The following SERPINA6 variants were observed in gnomAD, a reference collection of about 807,000 sequenced individuals.
SERPINA6 encodes the protein serpin family A member 6.
In SERPINA6, 19 loss-of-function variants were observed where a neutral mutation model predicts 26.4. That is an observed-to-expected ratio of 0.72 (90% CI 0.50 to 1.06). SERPINA6 has a LOEUF of 1.06. Ranked by LOEUF, SERPINA6 falls within the 50% of genes least tolerant of loss-of-function variation. The pLI is 0.00. For synonymous variants in SERPINA6, 196 were observed against 199.4 expected (o/e 0.98, Z 0.14); for missense variants, 473 against 504.0 (o/e 0.94, Z 0.59).
rs142631353 is a variant in SERPINA6 at position 94,314,608 on chromosome 14, G to C, written c.41C>G (p.Thr14Ser). Residue 14 changes from threonine to serine, a missense_variant, in exon 2 of 5, where the codon ACC becomes AGC. Coordinates refer to ENST00000341584, the MANE Select transcript of SERPINA6 (RefSeq NM_001756.4). ...LLYTCLLWLP[T>S]SGLWTVQAMD... ...GGCCTGGACGGTCCAGAGGCCGCTG[G>C]TGGGCAGCCAGAGAAGACAGGTGTA... is the stretch of plus-strand genomic sequence containing the variant. 6.2e-7 allele frequency: 1 copy of C among 1,614,160 alleles called. No homozygotes were observed. Among genetic ancestry groups the C allele is most frequent in the Non-Finnish European group, 8.5e-7 (1 of 1,180,034 alleles).
chr14:94,306,041 G>T, intron 4 of SERPINA6, 30 bp downstream of exon 4: 1 of 1,613,508 alleles, frequency 6.2e-7, no homozygotes, highest in Non-Finnish European at 8.5e-7. Context: ...TTTGGAGGGG[G>T]AAGAAAAGGT....
chr14:94,306,695 G>A lies in SERPINA6; in HGVS notation c.885-477C>T, dbSNP rs117459309. 2.2e-3 allele frequency among the ~76,000 whole-genome samples: 336 copies of A among 152,314 alleles called. 1 individual carries two copies. The highest frequency in any genetic ancestry group is 4.1e-3 in the Non-Finnish European group (280 of 68,036). ...GCTAATGTCCTCACCTGCACACAAA[G>A]GTGGTTGAACACAGGCTCTCCCAGG... On this transcript the variant is annotated intron_variant, in intron 3 of 4. Coordinates refer to ENST00000341584, the MANE Select transcript of SERPINA6 (RefSeq NM_001756.4).
At position 94,304,425 on chromosome 14, in the gene SERPINA6, G is replaced by A. The variant is rs762344771; in HGVS notation, c.1211C>T (p.Pro404Leu). 1.2e-6 allele frequency: 2 copies of A among 1,613,930 alleles called. No individual in the cohort carries two copies. The highest frequency in any genetic ancestry group is 2.7e-5 in the African/African-American group (2 of 74,904). Reference protein sequence around the residue: ...SSLFLARVMNPV With the variant: ...SSLFLARVMNLV Reference sequence around the variant, plus strand: ...CTCTGGGTGGGTGGTCTCTTACACTGGGTTCATAACCCTCGCCAGGAAAAG... The same window carrying A: ...CTCTGGGTGGGTGGTCTCTTACACTAGGTTCATAACCCTCGCCAGGAAAAG... The change falls in exon 5 of 5, where the codon CCA becomes CTA. Residue 404 changes from proline (P) to leucine (L), a missense_variant. Coordinates refer to ENST00000341584, the MANE Select transcript of SERPINA6 (RefSeq NM_001756.4).
intron 2 of SERPINA6, among the ~76,000 whole-genome samples, chr14:94,310,649 C>T (rs765556026): frequency 6.6e-5 from 10 of 152,222 alleles, no homozygotes; most frequent in Admixed American, 1.3e-4. Context: ...TGGGACTTGG[C>T]GGTACTCGTC....
chr14:94,321,189 C>A (rs934199339), intron 1 of SERPINA6, among the ~76,000 whole-genome samples: 1 of 152,188 alleles, frequency 6.6e-6, no homozygotes, highest in African/African-American at 2.4e-5. Flanking sequence ...TCTCTCAGGA[C>A]TCAGCAGTAG....
Position 94,309,982 on chromosome 14 carries a change from A to C in SERPINA6, c.638T>G (p.Leu213Arg), listed in dbSNP as rs774641088. ...GAAGTTCTCCTCCCTGGTGCTTGCC[A>C]GGTCAAAGGGCTGTGTCCATGTGCC... ...FKGTWTQPFD[L>R]ASTREENFYV... Residue 213 changes from leucine (L) to arginine (R), a missense_variant, in exon 3 of 5, where the codon CTG (leucine) becomes CGG (arginine). Coordinates refer to ENST00000341584, the MANE Select transcript of SERPINA6 (RefSeq NM_001756.4). 7 of 1,614,016 alleles carry C rather than the reference A, an allele frequency of 4.3e-6. No individual in the cohort carries two copies. In the African/African-American group the frequency reaches 9.3e-5, roughly 22 times the overall value.
chr14:94,320,935 G>A (rs1895676388), intron 1 of SERPINA6, among the ~76,000 whole-genome samples: 1 of 152,112 alleles, frequency 6.6e-6, no homozygotes, highest in African/African-American at 2.4e-5. Context: ...TTCTGACTTG[G>A]ATTTCTGGGT....
At chr14:94,314,722 C>G (rs539757007) in intron 1 of SERPINA6, 55 bp from the exon 2 acceptor site, 20 of 1,554,518 alleles carry the variant, frequency 1.3e-5, no homozygotes, top group Middle Eastern at 1.7e-4. Flanking sequence ...GTCAATGGGG[C>G]GTAGTGCAAG....
rs117839260 is a variant in SERPINA6, at chr14:94,305,004, G to A, written c.1033-401C>T. Reference sequence around the variant, plus strand: ...AAGTGCCTATGTCTGTTCTGTTTGGGAAAGCTGAGGCAGAATCTAAAAATG... The same window carrying A: ...AAGTGCCTATGTCTGTTCTGTTTGGAAAAGCTGAGGCAGAATCTAAAAATG... On this transcript the variant is annotated intron_variant, in intron 4 of 4. Transcript: ENST00000341584. Among the ~76,000 whole-genome samples the A allele has an allele frequency of 2.2e-3, 336 of 152,296 alleles. 1 individual carries two copies. The highest frequency in any genetic ancestry group is 4.1e-3 in the Non-Finnish European group (280 of 68,020).
At chr14:94,317,707 C>T (rs1895630868) in intron 1 of SERPINA6, among the ~76,000 whole-genome samples, 1 of 152,168 alleles carries the variant, frequency 6.6e-6, no homozygotes, top group Admixed American at 6.5e-5. Flanking sequence ...AAGAAAACTA[C>T]CTCAACATAA....
chr14:94,306,698 G>A (rs1208377496), intron 3 of SERPINA6, among the ~76,000 whole-genome samples: 1 of 152,202 alleles, frequency 6.6e-6, no homozygotes, highest in African/African-American at 2.4e-5. Context: ...ACACAAAGGT[G>A]GTTGAACACA....
Position 94,310,001 on chromosome 14 carries a change from A to C in SERPINA6, c.619T>G (p.Trp207Gly). The change falls in exon 3 of 5, where the codon TGG becomes GGG. Residue 207 changes from tryptophan (W) to glycine (G), a missense_variant. Physicochemically the swap from Trp to Gly is radical, Grantham distance 184. Transcript: ENST00000341584. ...CTTGCCAGGTCAAAGGGCTGTGTCC[A>C]TGTGCCTAGGAAGAGGAGGAGACAG... is the stretch of plus-strand genomic sequence containing the variant. ...LVNYIFFKGT[W>G]TQPFDLASTR... 6.2e-7 allele frequency: 1 copy of C among 1,614,100 alleles called. No individual in the cohort carries two copies. Among genetic ancestry groups the C allele is most frequent in the Non-Finnish European group, 8.5e-7 (1 of 1,179,996 alleles).
At chr14:94,315,660 C>A (rs1895604332) in intron 1 of SERPINA6, among the ~76,000 whole-genome samples, 1 of 152,102 alleles carries the variant, frequency 6.6e-6, no homozygotes, top group African/African-American at 2.4e-5. Flanking sequence ...AAAGTTACCC[C>A]ATGCAAATAG....
chr14:94,308,341 T>C (rs574444429), intron 3 of SERPINA6, among the ~76,000 whole-genome samples: 1 of 152,136 alleles, frequency 6.6e-6, no homozygotes, highest in East Asian at 1.9e-4. Flanking sequence ...TTAAGGGCTC[T>C]GTTTTGTCCT....
chr14:94,305,197 C>T (rs969783310), intron 4 of SERPINA6, among the ~76,000 whole-genome samples: 14 of 152,166 alleles, frequency 9.2e-5, no homozygotes, highest in African/African-American at 3.4e-4. Context: ...GGGGTGGGAA[C>T]TTCCAGCGAC....
At position 94,314,116 on chromosome 14, in the gene SERPINA6, G is replaced by A; in HGVS notation, c.533C>T (p.Thr178Ile). ...RQINSYVKNK[T>I]QGKIVDLFSG... ...AAACAAGTCGACAATTTTCCCCTGT[G>A]TCTTATTCTTGACATAGCTGTTGAT... The change falls in exon 2 of 5, where the codon ACA becomes ATA. Residue 178 changes from threonine (T) to isoleucine (I), a missense_variant. Thr to Ile is a moderately conservative substitution (Grantham distance 89). Coordinates refer to ENST00000341584, the MANE Select transcript of SERPINA6 (RefSeq NM_001756.4). 4.3e-6 allele frequency: 7 copies of A among 1,614,164 alleles called. No homozygotes were observed. Among genetic ancestry groups the A allele is most frequent in the Non-Finnish European group, 5.9e-6 (7 of 1,180,010 alleles).
intron 2 of SERPINA6, among the ~76,000 whole-genome samples, chr14:94,310,408 G>A (rs1895512074): frequency 6.9e-6 from 1 of 144,506 alleles, no homozygotes; most frequent in South Asian, 2.1e-4. Context: ...AAGCGAGGGG[G>A]CCATCTCCAC....
intron 3 of SERPINA6, among the ~76,000 whole-genome samples, chr14:94,309,419 T>G (rs1303397379): frequency 6.6e-6 from 1 of 152,152 alleles, no homozygotes; most frequent in Non-Finnish European, 1.5e-5. Flanking sequence ...TGTAGCTGGG[T>G]GGTTGGTGAA....
chr14:94,310,003 G>T lies in SERPINA6; in HGVS notation c.617C>A (p.Thr206Lys), dbSNP rs750663821. ...TGCCAGGTCAAAGGGCTGTGTCCATGTGCCTAGGAAGAGGAGGAGACAGGT... is the reference window on the plus strand; with the variant it reads ...TGCCAGGTCAAAGGGCTGTGTCCATTTGCCTAGGAAGAGGAGGAGACAGGT... The part of the protein sequence containing the change: ...VLVNYIFFKG[T>K]WTQPFDLAST... The change falls in exon 3 of 5, where the codon ACA becomes AAA. Residue 206 changes from threonine (T) to lysine (K), a missense_variant. Coordinates refer to ENST00000341584, the MANE Select transcript of SERPINA6 (RefSeq NM_001756.4). 211 of 1,613,974 alleles carry T rather than the reference G, an allele frequency of 1.3e-4. No individual in the cohort carries two copies. Among genetic ancestry groups the T allele is most frequent in the Non-Finnish European group, 1.7e-4 (200 of 1,180,014 alleles).
Sources: gnomAD v4.1 joint callset for allele counts (sites outside exome capture counted in the v4.1 genomes callset) on GRCh38, gnomAD v4.1.1 for gene constraint, MANE v1.5 for transcripts, NCBI Gene and HGNC (gene_info 2026-07-23, HGNC 2026-07-21) for gene names.